The following B3GALT1 variants were observed in gnomAD, a reference collection of about 807,000 sequenced individuals.
B3GALT1 encodes the protein UDP-Gal:betaGlcNAc beta 1,3-galactosyltransferase, polypeptide 1.
Under a neutral mutation model 23.2 loss-of-function variants are expected in B3GALT1, and 10 were observed. That is an observed-to-expected ratio of 0.43 (90% CI 0.27 to 0.73). B3GALT1 has a LOEUF of 0.73. Ranked by LOEUF, B3GALT1 falls within the 30% of genes least tolerant of loss-of-function variation. The pLI is 0.21. For synonymous variants in B3GALT1, 156 were observed against 141.5 expected (o/e 1.10, Z -0.73); for missense variants, 299 against 405.4 (o/e 0.74, Z 2.25).
At chr2:167,474,284 T>G (rs1699462226) in intron 1 of B3GALT1, among the ~76,000 whole-genome samples, 1 of 152,216 alleles carries the variant, frequency 6.6e-6, no homozygotes, top group South Asian at 2.1e-4. Context: ...TAATTGCTTG[T>G]AAAGAAATGA....
intron 1 of B3GALT1, among the ~76,000 whole-genome samples, chr2:167,382,236 A>T (rs1409614034): frequency 6.6e-6 from 1 of 152,198 alleles, no homozygotes; most frequent in Non-Finnish European, 1.5e-5. Context: ...TTGGTAGTCC[A>T]ATCATAGTTT....
intron 2 of B3GALT1, among the ~76,000 whole-genome samples, chr2:167,515,096 G>T (rs1458473029): frequency 6.6e-6 from 1 of 152,064 alleles, no homozygotes; most frequent in African/African-American, 2.4e-5. Flanking sequence ...TGTCATTCAT[G>T]CATTCATTTT....
intron 2 of B3GALT1, among the ~76,000 whole-genome samples, chr2:167,533,348 T>A (rs922812670): frequency 3.8e-4 from 57 of 151,878 alleles, no homozygotes; most frequent in Admixed American, 3.1e-3. Context: ...AGTTTTTTTT[T>A]AATTATAAGT....
intron 2 of B3GALT1, among the ~76,000 whole-genome samples, chr2:167,629,032 G>A (rs949523413): frequency 6.6e-6 from 1 of 151,540 alleles, no homozygotes; most frequent in African/African-American, 2.4e-5. Context: ...ACCATAAATT[G>A]GACATAAGGG....
chr2:167,509,440 G>C (rs1699971057), intron 2 of B3GALT1, among the ~76,000 whole-genome samples: 1 of 152,144 alleles, frequency 6.6e-6, no homozygotes, highest in Non-Finnish European at 1.5e-5. Flanking sequence ...ACATATGTGT[G>C]TGTGTGTGTA....
chr2:167,760,094 A>G (rs1687877870), intron 3 of B3GALT1, among the ~76,000 whole-genome samples: 1 of 152,356 alleles, frequency 6.6e-6, no homozygotes, highest in African/African-American at 2.4e-5. Flanking sequence ...GAAGGTCATT[A>G]GAGAAGAACT....
intron 3 of B3GALT1, among the ~76,000 whole-genome samples, chr2:167,711,799 T>C (rs546964204): frequency 7.2e-4 from 110 of 152,030 alleles, no homozygotes; most frequent in Non-Finnish European, 1.3e-3. Flanking sequence ...ACTCCATCTA[T>C]CCTAAAAATA....
At chr2:167,547,709 AAAAAG>A (rs1683664169) in intron 2 of B3GALT1, among the ~76,000 whole-genome samples, 1 of 147,516 alleles carries the variant, frequency 6.8e-6, no homozygotes, top group Admixed American at 6.6e-5. Flanking sequence ...AAAAAAAAAA[AAAAAG>A]AAGAGTCACA....
At chr2:167,658,526 TC>T (rs1685996347) in intron 3 of B3GALT1, among the ~76,000 whole-genome samples, 1 of 152,088 alleles carries the variant, frequency 6.6e-6, no homozygotes, top group African/African-American at 2.4e-5. Context: ...GTGCATCTCT[TC>T]CTAACTCCAC....
intron 2 of B3GALT1, among the ~76,000 whole-genome samples, chr2:167,641,816 C>T (rs1685657228): frequency 1.3e-5 from 2 of 152,160 alleles, no homozygotes; most frequent in Non-Finnish European, 2.9e-5. Flanking sequence ...TACTCTTTCT[C>T]CATAGTAATC....
At chr2:167,742,453 A>G (rs992163460) in intron 3 of B3GALT1, among the ~76,000 whole-genome samples, 8 of 152,182 alleles carry the variant, frequency 5.3e-5, no homozygotes, top group African/African-American at 1.9e-4. Flanking sequence ...AAAGCTTAGG[A>G]AACAGTTTAA....
rs1690374470 is a variant in B3GALT1 at position 167,872,594 on chromosome 2, C to A, written c.*2574C>A. 6.6e-6 allele frequency: 1 copy of A among 152,190 alleles called. No homozygotes were observed. Among genetic ancestry groups the A allele is most frequent in the Admixed American group, 6.5e-5 (1 of 15,272 alleles). The allele number at this position is 152,190 out of a possible 1,614,324, so 9.4% of individuals were successfully genotyped here. ...TCTCATACTATTGCCTTGCATCTACCCCATGCTCAGTCAAACCACCTCTGG... is the reference window on the plus strand; with the variant it reads ...TCTCATACTATTGCCTTGCATCTACACCATGCTCAGTCAAACCACCTCTGG... On this transcript the variant is annotated 3_prime_UTR_variant, in exon 5 of 5. Transcript: ENST00000392690.
At chr2:167,771,864 C>G (rs1173400255) in intron 3 of B3GALT1, among the ~76,000 whole-genome samples, 1 of 152,162 alleles carries the variant, frequency 6.6e-6, no homozygotes, top group Admixed American at 6.5e-5. Context: ...GGGAGAGTCC[C>G]TTCTCATGCA....
chr2:167,709,889 TAAGTA>T (rs974049912), intron 3 of B3GALT1, among the ~76,000 whole-genome samples: 1 of 152,180 alleles, frequency 6.6e-6, no homozygotes, highest in African/African-American at 2.4e-5. Flanking sequence ...GAGGATTAAA[TAAGTA>T]AATATGTGAA....
intron 3 of B3GALT1, among the ~76,000 whole-genome samples, chr2:167,738,257 A>T (rs1377558290): frequency 6.6e-6 from 1 of 152,220 alleles, no homozygotes; most frequent in Non-Finnish European, 1.5e-5. Flanking sequence ...AATAAAAGTA[A>T]TATTAGCAAG....
At chr2:167,750,669 T>G (rs1687720608) in intron 3 of B3GALT1, among the ~76,000 whole-genome samples, 1 of 151,540 alleles carries the variant, frequency 6.6e-6, no homozygotes, top group Non-Finnish European at 1.5e-5. Context: ...GTTCACAACC[T>G]TTTCATAGAC....
intron 2 of B3GALT1, among the ~76,000 whole-genome samples, chr2:167,582,503 A>G (rs922139240): frequency 6.6e-6 from 1 of 152,212 alleles, no homozygotes; most frequent in Non-Finnish European, 1.5e-5. Context: ...TAGAAAGTAA[A>G]GACGTACTAA....
intron 1 of B3GALT1, among the ~76,000 whole-genome samples, chr2:167,455,716 T>C (rs1699159392): frequency 6.6e-6 from 1 of 152,160 alleles, no homozygotes; most frequent in African/African-American, 2.4e-5. Context: ...TTTCACCATA[T>C]TGGACACACT....
chr2:167,792,717 G>A (rs532517419), intron 3 of B3GALT1, among the ~76,000 whole-genome samples: 1 of 152,288 alleles, frequency 6.6e-6, no homozygotes, highest in African/African-American at 2.4e-5. Flanking sequence ...ATGGGATTTA[G>A]TTTCCCTTCT....
Sources: allele counts gnomAD v4.1 joint callset (sites outside exome capture counted in the v4.1 genomes callset), GRCh38; gene constraint gnomAD v4.1.1; transcripts MANE v1.5; gene names NCBI Gene and HGNC (gene_info 2026-07-23, HGNC 2026-07-21).